The following SV2B variants were observed in gnomAD, a reference collection of about 807,000 sequenced individuals.
SV2B encodes the protein synaptic vesicle glycoprotein 2B.
Under a neutral mutation model 73.9 loss-of-function variants are expected in SV2B, and 41 were observed. The observed-to-expected ratio is 0.56, with a 90% CI of 0.43 to 0.72. The LOEUF (loss-of-function observed/expected upper bound fraction) is 0.72, where lower values mean the gene tolerates loss of function less well. Among genes scored for constraint, SV2B ranks in the 30% least tolerant of loss-of-function variants. The probability of loss-of-function intolerance (pLI) is 0.00; values close to 1 mark genes in which losing one functional copy is unlikely to be tolerated. For synonymous variants in SV2B, 314 were observed against 314.2 expected, an observed-to-expected ratio of 1.00 and a Z score of 0.01; for missense variants, 764 against 857.8, an observed-to-expected ratio of 0.89 and a Z score of 1.37.
rs2046427101 is a variant in SV2B, at chr15:91,227,629, C to A, written c.451+915C>A. The stretch of plus-strand genomic sequence containing the variant: ...CCTCAAGAGCTCAAAATCTATCTAG[C>A]AATTCAGCTCCTTCATTCAACAAAT... On this transcript the variant is annotated intron_variant, in intron 2 of 12. Transcript: ENST00000394232. This position sits in a 1 kb window ranked among gnomAD's most constrained non-coding sequence, Gnocchi z 4.5. 6.6e-6 allele frequency among the ~76,000 whole-genome samples: 1 copy of A among 152,208 alleles called. No homozygotes were observed. Among genetic ancestry groups the A allele is most frequent in the Non-Finnish European group, 1.5e-5 (1 of 68,042 alleles).
rs1351601088 is a variant in SV2B, at chr15:91,231,928, A to C, written c.451+5214A>C. Among the ~76,000 whole-genome samples the C allele has an allele frequency of 6.6e-6, 1 of 152,234 alleles. No homozygotes were observed. The highest frequency in any genetic ancestry group is 1.5e-5 in the Non-Finnish European group (1 of 68,048). ...CACAGAGCAATGTCAGATGGGGCAG[A>C]TTCATTAGAATAAATTGTGAGCTGA... On this transcript the variant is annotated intron_variant, in intron 2 of 12. Coordinates refer to ENST00000394232, the MANE Select transcript of SV2B (RefSeq NM_001323032.3). This position sits in a 1 kb window ranked among gnomAD's most constrained non-coding sequence, Gnocchi z 4.5.
In SV2B at chr15:91,281,546, T is replaced by G. The variant is rs952080517; in HGVS notation, c.1374-182T>G. On this transcript the variant is annotated intron_variant, in intron 9 of 12. Transcript: ENST00000394232. The surrounding 1 kb of genome is among the most constrained non-coding windows in gnomAD (Gnocchi z 4.7). ...ACGCTAGACACTGGCTTCCAGGTCC[T>G]GAAGCCCTTCCCCACTAATAAACAA... Among the ~76,000 whole-genome samples, 1 of 152,238 alleles carries G rather than the reference T, an allele frequency of 6.6e-6. No homozygotes were observed. The highest frequency in any genetic ancestry group is 2.4e-5 in the African/African-American group (1 of 41,464).
chr15:91,278,452 T>C (rs533795895), intron 9 of SV2B, among the ~76,000 whole-genome samples: 2 of 151,100 alleles, frequency 1.3e-5, no homozygotes, highest in Admixed American at 6.6e-5. Context: ...CCGAGGCGGG[T>C]GGATCATGAG....
chr15:91,218,154 A>C (rs1207959965), intron 1 of SV2B, among the ~76,000 whole-genome samples: 1 of 152,222 alleles, frequency 6.6e-6, no homozygotes, highest in African/African-American at 2.4e-5. Context: ...CTCTCCAAAA[A>C]AACAGGAGAA....
intron 1 of SV2B, among the ~76,000 whole-genome samples, chr15:91,189,875 C>T (rs2044936404): frequency 6.6e-6 from 1 of 152,032 alleles, no homozygotes; most frequent in African/African-American, 2.4e-5. Flanking sequence ...GTAGTTCCAG[C>T]TACTCAGGAG....
At chr15:91,270,826 A>ATCCTGTGGATGATGGGGGGACGGTGAG (rs1567417642) in intron 9 of SV2B, among the ~76,000 whole-genome samples, 3 of 90,990 alleles carry the variant, frequency 3.3e-5, no homozygotes, top group Non-Finnish European at 4.4e-5. Context: ...GGGATGGTGA[A>ATCCTGTGGATGATGGGGGGACGGTGAG]TCCTGTGGAT....
intron 9 of SV2B, among the ~76,000 whole-genome samples, chr15:91,279,434 A>G (rs2048612148): frequency 6.6e-6 from 1 of 152,256 alleles, no homozygotes; most frequent in Non-Finnish European, 1.5e-5. Context: ...AAAAGCTTAC[A>G]AAGTACTGTT....
chr15:91,238,057 G>T (rs1021704136), intron 2 of SV2B, among the ~76,000 whole-genome samples: 1 of 152,016 alleles, frequency 6.6e-6, no homozygotes, highest in East Asian at 1.9e-4. Context: ...TGTTACTGTG[G>T]GTTCCTTTAT....
rs1255770798 is a variant in SV2B, at chr15:91,261,963, G to A, written c.1008+1554G>A. The stretch of plus-strand genomic sequence containing the variant: ...TCCATTTTCTCAAGGAAACCTTCCT[G>A]GAGTAACTCCTACCTAACTTTGATT... On this transcript the variant is annotated intron_variant, in intron 6 of 12. Coordinates refer to ENST00000394232, the MANE Select transcript of SV2B (RefSeq NM_001323032.3). The surrounding 1 kb of genome is among the most constrained non-coding windows in gnomAD (Gnocchi z 4.7). Among the ~76,000 whole-genome samples, 1 of 152,140 alleles carries A rather than the reference G, an allele frequency of 6.6e-6. No homozygotes were observed. Among genetic ancestry groups the A allele is most frequent in the East Asian group, 1.9e-4 (1 of 5,198 alleles).
chr15:91,191,649 A>G (rs915642473), intron 1 of SV2B, among the ~76,000 whole-genome samples: 1 of 152,144 alleles, frequency 6.6e-6, no homozygotes, highest in Non-Finnish European at 1.5e-5. Context: ...TAGCTCAAAT[A>G]CAATTTATCT....
At chr15:91,250,925 A>G (rs937273901) in intron 2 of SV2B, among the ~76,000 whole-genome samples, 20 of 152,214 alleles carry the variant, frequency 1.3e-4, no homozygotes, top group African/African-American at 2.2e-4. Flanking sequence ...CAAACTTCCA[A>G]TGGCATTTTT....
intron 2 of SV2B, among the ~76,000 whole-genome samples, chr15:91,244,475 G>A (rs944348904): frequency 7.2e-5 from 11 of 152,140 alleles, no homozygotes; most frequent in African/African-American, 2.4e-4. Context: ...TCCACTAGAC[G>A]ACATGTTAAA....
At position 91,280,701 on chromosome 15, in the gene SV2B, G is replaced by A. The variant is rs764573243; in HGVS notation, c.1374-1027G>A. Among the ~76,000 whole-genome samples the A allele has an allele frequency of 3.4e-4, 52 of 152,264 alleles. No individual in the cohort carries two copies. The highest frequency in any genetic ancestry group is 6.2e-4 in the Non-Finnish European group (42 of 68,018). ...TGCAGTGACTCCCACATGTGGCTGC[G>A]CCTCAGAATCGTCTAGGTGCCTTAT... On this transcript the variant is annotated intron_variant, in intron 9 of 12. Coordinates refer to ENST00000394232, the MANE Select transcript of SV2B (RefSeq NM_001323032.3). The surrounding 1 kb of genome is among the most constrained non-coding windows in gnomAD (Gnocchi z 5.8).
At chr15:91,256,575 C>T (rs1183945916) in intron 4 of SV2B, among the ~76,000 whole-genome samples, 3 of 152,152 alleles carry the variant, frequency 2.0e-5, no homozygotes, top group African/African-American at 7.2e-5. Context: ...ATGGTTTTAT[C>T]TTCCTCTTTC....
chr15:91,176,909 G>A (rs1480018963), intron 1 of SV2B, among the ~76,000 whole-genome samples: 1 of 152,158 alleles, frequency 6.6e-6, no homozygotes, highest in Non-Finnish European at 1.5e-5. Flanking sequence ...GATCCCATTT[G>A]TCGATTTTGG....
chr15:91,287,277 T>C (rs1046528390), intron 11 of SV2B, among the ~76,000 whole-genome samples: 2 of 151,440 alleles, frequency 1.3e-5, no homozygotes, highest in African/African-American at 4.9e-5. Context: ...CCTGGGGAGG[T>C]GTTTCTTATT....
rs2049261573 is a variant in SV2B, at chr15:91,296,874, CGTTGG to C, written c.*4324_*4328del. 2 of 132,360 alleles carry C rather than the reference CGTTGG, an allele frequency of 1.5e-5. No homozygotes were observed. The highest frequency in any genetic ancestry group is 2.4e-4 in the South Asian group (1 of 4,106). 8.2% of individuals were successfully genotyped at this position (132,360 alleles called of 1,614,324 possible). On this transcript the variant is annotated 3_prime_UTR_variant, in exon 13 of 13. Coordinates refer to ENST00000394232, the MANE Select transcript of SV2B (RefSeq NM_001323032.3). ...TGGGCGCACGCTCCTTCTGCCCGAT[CGTTGG>C]GCGCACGCTCCTTCTGCCCGATCGT...
At chr15:91,108,636 G>A (rs189261338) in intron 1 of SV2B, among the ~76,000 whole-genome samples, 26 of 152,342 alleles carry the variant, frequency 1.7e-4, no homozygotes, top group African/African-American at 6.0e-4. Context: ...ACAGTGATGA[G>A]CTAAGTCTCT....
Position 91,258,368 on chromosome 15 carries a change from G to T in SV2B, c.785-53G>T, listed in dbSNP as rs560878629. The T allele has an allele frequency of 6.2e-7, 1 of 1,603,898 alleles. No homozygotes were observed. The highest frequency in any genetic ancestry group is 1.7e-5 in the Admixed American group (1 of 59,470). On this transcript the variant is annotated intron_variant, in intron 4 of 12. Transcript: ENST00000394232. This position sits in a 1 kb window ranked among gnomAD's most constrained non-coding sequence, Gnocchi z 4.7. ...GCCAGGGCTTCAGAGTCACTCTTCC[G>T]TAGAGGAAAAGATCATGTCCCAGAA...
Sources: gnomAD v4.1 joint callset for allele counts (sites outside exome capture counted in the v4.1 genomes callset) on GRCh38, gnomAD v4.1.1 for gene constraint, Gnocchi (gnomAD v3.1) non-coding constraint, MANE v1.5 for transcripts, NCBI Gene and HGNC (gene_info 2026-07-23, HGNC 2026-07-21) for gene names.